Variants in NELL1 observed in about 807,000 individuals in gnomAD.
NELL1 encodes the protein neural EGFL like 1.
In NELL1, 76 loss-of-function variants were observed where a neutral mutation model predicts 107.4. The observed-to-expected ratio is 0.71, with a 90% CI of 0.59 to 0.86. NELL1 has a LOEUF of 0.86. Ranked by LOEUF, NELL1 falls within the 40% of genes least tolerant of loss-of-function variation. The pLI is 0.00. For missense variants in NELL1, 1,024 were observed against 1,005.5 expected, an observed-to-expected ratio of 1.02 and a Z score of -0.25; for synonymous variants, 353 against 341.2, an observed-to-expected ratio of 1.03 and a Z score of -0.38.
Position 21,486,522 on chromosome 11 carries a change from A to T in NELL1, c.1646-47852A>T, listed in dbSNP as rs370427847. 9.2e-5 allele frequency among the ~76,000 whole-genome samples: 14 copies of T among 152,336 alleles called. No individual in the cohort carries two copies. In the East Asian group the frequency reaches 1.5e-3, roughly 17 times the overall value. ...GTTCAAAAAAATAGAAGTGACTGTT[A>T]TACAAGCTATGCAGATGTCAGCATA... On this transcript the variant is annotated intron_variant, in intron 15 of 19. Coordinates refer to ENST00000357134, the MANE Select transcript of NELL1 (RefSeq NM_006157.5).
intron 12 of NELL1, among the ~76,000 whole-genome samples, chr11:21,007,345 G>C (rs1344918570): frequency 6.6e-6 from 1 of 151,908 alleles, no homozygotes; most frequent in Non-Finnish European, 1.5e-5. Context: ...TGATAGGATT[G>C]GGGCATTCAC....
At chr11:20,755,541 T>TTTTTTTTA (rs1564894943) in intron 2 of NELL1, among the ~76,000 whole-genome samples, 3 of 13,484 alleles carry the variant, frequency 2.2e-4, no homozygotes, top group African/African-American at 3.7e-4. Flanking sequence ...TGGGTTTTTG[T>TTTTTTTTA]TTTTTTTTGT....
intron 17 of NELL1, among the ~76,000 whole-genome samples, chr11:21,566,444 G>GA (rs1181341198): frequency 6.6e-6 from 1 of 150,382 alleles, no homozygotes; most frequent in Admixed American, 6.6e-5. Context: ...TATGGCATAA[G>GA]AAAAAATGTA....
At chr11:20,795,722 A>G (rs1242875654) in intron 3 of NELL1, among the ~76,000 whole-genome samples, 1 of 152,160 alleles carries the variant, frequency 6.6e-6, no homozygotes, top group Non-Finnish European at 1.5e-5. Context: ...AAAGCTTCCC[A>G]TGGAATCCTT....
chr11:20,689,583 A>G (rs1211774369), intron 2 of NELL1, among the ~76,000 whole-genome samples: 2 of 148,950 alleles, frequency 1.3e-5, no homozygotes, highest in Non-Finnish European at 3.0e-5. Context: ...ATGATTTCCA[A>G]TTGCATTCAT....
intron 5 of NELL1, among the ~76,000 whole-genome samples, chr11:20,915,922 A>G (rs1318334411): frequency 6.6e-6 from 1 of 151,242 alleles, no homozygotes; most frequent in Non-Finnish European, 1.5e-5. Flanking sequence ...AGGTGCTGGG[A>G]TATACATAAA....
At chr11:21,379,693 G>A (rs1229863678) in intron 15 of NELL1, among the ~76,000 whole-genome samples, 1 of 151,986 alleles carries the variant, frequency 6.6e-6, no homozygotes, top group African/African-American at 2.4e-5. Flanking sequence ...CTTTTCTAAA[G>A]GAAAAATTTT....
chr11:21,059,268 T>A (rs1438893002), intron 12 of NELL1, among the ~76,000 whole-genome samples: 1 of 150,922 alleles, frequency 6.6e-6, no homozygotes, highest in Non-Finnish European at 1.5e-5. Context: ...TTGTTTTGTT[T>A]TTTTTTTTTT....
chr11:20,855,177 C>CT (rs59669806), intron 4 of NELL1, among the ~76,000 whole-genome samples: 1,908 of 140,520 alleles, frequency 0.014, 16 homozygotes, highest in African/African-American at 0.028. Context: ...TCAACTTTTT[C>CT]TTTTTTTTTT....
chr11:20,847,526 T>C (rs1342097437), intron 3 of NELL1, 57 bp from the exon 4 acceptor site: 14 of 1,546,108 alleles, frequency 9.1e-6, no homozygotes, highest in Non-Finnish European at 1.2e-5. Context: ...GAGGGATTGA[T>C]GATGGCTGTG....
At chr11:21,218,781 G>A (rs1278989546) in intron 13 of NELL1, among the ~76,000 whole-genome samples, 1 of 152,118 alleles carries the variant, frequency 6.6e-6, no homozygotes, top group East Asian at 1.9e-4. Flanking sequence ...GTAACATAAT[G>A]TCTTCAAAGC....
At chr11:21,346,872 A>G (rs578161663) in intron 14 of NELL1, among the ~76,000 whole-genome samples, 42 of 152,234 alleles carry the variant, frequency 2.8e-4, no homozygotes, top group African/African-American at 1.0e-3. Flanking sequence ...TACTATGTAG[A>G]TGATCTTGGG....
At chr11:21,358,126 G>A (rs1305888212) in intron 14 of NELL1, among the ~76,000 whole-genome samples, 2 of 152,056 alleles carry the variant, frequency 1.3e-5, no homozygotes, top group Non-Finnish European at 2.9e-5. Flanking sequence ...TTGACTATGT[G>A]GGGTCTTTTT....
intron 15 of NELL1, among the ~76,000 whole-genome samples, chr11:21,473,504 T>C (rs899470359): frequency 4.6e-5 from 7 of 152,060 alleles, no homozygotes; most frequent in South Asian, 4.1e-4. Flanking sequence ...GAGGAGTTTC[T>C]AAGAAGTGAC....
chr11:21,130,341 G>T (rs2133756127), intron 13 of NELL1, among the ~76,000 whole-genome samples: 1 of 152,254 alleles, frequency 6.6e-6, no homozygotes, highest in African/African-American at 2.4e-5. Context: ...ATAGAAGTCT[G>T]GCTATGGGAT....
rs116004294 is a variant in NELL1 at position 21,010,758 on chromosome 11, G to A, written c.1300+50198G>A. On this transcript the variant is annotated intron_variant, in intron 12 of 19. Transcript: ENST00000357134. ...TTGACTAGGAACATTTTTTACTAGG[G>A]AATTTTTAAGGCAGGCAAAAATACT... 3.0e-3 allele frequency among the ~76,000 whole-genome samples: 460 copies of A among 152,170 alleles called. 3 individuals carry two copies. Among genetic ancestry groups the A allele is most frequent in the African/African-American group, 8.8e-3 (367 of 41,544 alleles).
chr11:21,527,294 C>T (rs1855880148), intron 15 of NELL1, among the ~76,000 whole-genome samples: 1 of 152,120 alleles, frequency 6.6e-6, no homozygotes, highest in Admixed American at 6.6e-5. Context: ...GGTCAAAGCC[C>T]TTTAATCAGT....
chr11:20,929,802 T>A (rs1349316304), intron 9 of NELL1, among the ~76,000 whole-genome samples: 1 of 151,994 alleles, frequency 6.6e-6, no homozygotes, highest in Non-Finnish European at 1.5e-5. Context: ...CGAAATCCCG[T>A]CTCTACTAAA....
chr11:21,403,606 CAAA>C (rs11331255), intron 15 of NELL1, among the ~76,000 whole-genome samples: 92 of 143,134 alleles, frequency 6.4e-4, no homozygotes, highest in Middle Eastern at 3.8e-3. Flanking sequence ...TGTAGCTCTT[CAAA>C]AAAAAAAAAA....
Sources: gnomAD v4.1 joint callset for allele counts (sites outside exome capture counted in the v4.1 genomes callset) on GRCh38, gnomAD v4.1.1 for gene constraint, MANE v1.5 for transcripts, NCBI Gene and HGNC (gene_info 2026-07-23, HGNC 2026-07-21) for gene names.